The following ANKFN1 variants were observed in gnomAD, a reference collection of about 807,000 sequenced individuals.
The protein encoded by ANKFN1 is ankyrin repeat and fibronectin type-III domain-containing protein 1.
A neutral mutation model predicts 108.7 loss-of-function variants in ANKFN1; 74 were observed. The observed-to-expected ratio is 0.68, with a 90% confidence interval of 0.56 to 0.83. The LOEUF is 0.83. Ranked by LOEUF, ANKFN1 falls within the 40% of genes least tolerant of loss-of-function variation. The pLI is 0.00. For synonymous variants in ANKFN1, 547 were observed against 516.2 expected, an observed-to-expected ratio of 1.06 and a Z score of -0.81; for missense variants, 1,505 against 1,382.3, an observed-to-expected ratio of 1.09 and a Z score of -1.41.
intron 3 of ANKFN1, among the ~76,000 whole-genome samples, chr17:56,266,767 C>T (rs890304987): frequency 6.6e-6 from 1 of 152,162 alleles, no homozygotes; most frequent in South Asian, 2.1e-4. Context: ...AACCATGTGA[C>T]CAATTTTCCT....
In ANKFN1 at chr17:56,512,449, A is replaced by G. The variant is rs1178152599; in HGVS notation, c.*1180A>G. On this transcript the variant is annotated 3_prime_UTR_variant, in exon 21 of 21. Transcript: ENST00000682825. ...AGGGAAAATATGCTCAGAAGCCTTTACAAGTGGTTAATTCCAAGGATGTGC... is the reference window on the plus strand; with the variant it reads ...AGGGAAAATATGCTCAGAAGCCTTTGCAAGTGGTTAATTCCAAGGATGTGC... Among the ~76,000 whole-genome samples the G allele has an allele frequency of 1.3e-5, 2 of 152,208 alleles. No homozygotes were observed. Among genetic ancestry groups the G allele is most frequent in the African/African-American group, 2.4e-5 (1 of 41,454 alleles).
intron 9 of ANKFN1, among the ~76,000 whole-genome samples, chr17:56,441,334 A>G (rs976182821): frequency 6.6e-6 from 1 of 151,950 alleles, no homozygotes; most frequent in Non-Finnish European, 1.5e-5. Context: ...ACAAAGTATA[A>G]TCCTAAAGCC....
intron 15 of ANKFN1, among the ~76,000 whole-genome samples, 200 bp downstream of exon 15, chr17:56,466,771 G>A (rs752792146): frequency 4.6e-5 from 7 of 152,234 alleles, no homozygotes; most frequent in Non-Finnish European, 8.8e-5. Context: ...CAAATAGTGG[G>A]CACCTAATAA....
intron 2 of ANKFN1, among the ~76,000 whole-genome samples, chr17:56,220,387 C>T (rs1465081070): frequency 1.3e-5 from 2 of 152,140 alleles, no homozygotes; most frequent in Admixed American, 6.5e-5. Context: ...GATGCGGTGG[C>T]TCACGCCTGT....
chr17:56,355,557 C>T (rs8073557), intron 6 of ANKFN1, among the ~76,000 whole-genome samples: 6 of 152,050 alleles, frequency 3.9e-5, no homozygotes, highest in African/African-American at 9.7e-5. Context: ...TTGTGGAGTA[C>T]GATGGGAAGG....
At chr17:56,241,088 G>A (rs1340696242) in intron 3 of ANKFN1, among the ~76,000 whole-genome samples, 2 of 151,876 alleles carry the variant, frequency 1.3e-5, no homozygotes, top group Admixed American at 1.3e-4. Context: ...GTAAAGATAT[G>A]CTTCTGTACA....
chr17:56,440,565 G>A (rs1242397878), intron 9 of ANKFN1, 141 bp downstream of exon 9: 14 of 584,800 alleles, frequency 2.4e-5, no homozygotes, highest in Admixed American at 2.9e-5. Context: ...TGATATGTCT[G>A]GTATCTAGAA....
intron 1 of ANKFN1, among the ~76,000 whole-genome samples, chr17:56,178,021 ATGTAACCAGCCC>A (rs1745322236): frequency 6.6e-6 from 1 of 152,218 alleles, no homozygotes; most frequent in Non-Finnish European, 1.5e-5. Context: ...TTGTGTATTA[ATGTAACCAGCCC>A]TTAAAATTGA....
intron 8 of ANKFN1, among the ~76,000 whole-genome samples, chr17:56,408,775 G>T (rs2047998321): frequency 6.6e-6 from 1 of 152,162 alleles, no homozygotes; most frequent in Non-Finnish European, 1.5e-5. Flanking sequence ...CAGCATTGCA[G>T]ATTCTATACA....
intron 4 of ANKFN1, among the ~76,000 whole-genome samples, chr17:56,145,004 A>G (rs1308353360): frequency 6.6e-6 from 1 of 152,006 alleles, no homozygotes; most frequent in Non-Finnish European, 1.5e-5. Context: ...AACATTTATT[A>G]CAGATGCTTA....
chr17:56,463,299 G>A (rs2049971812), intron 14 of ANKFN1, among the ~76,000 whole-genome samples: 1 of 152,168 alleles, frequency 6.6e-6, no homozygotes, highest in Admixed American at 6.5e-5. Context: ...TAGATAGGAA[G>A]TAGCAGATTC....
intron 4 of ANKFN1, among the ~76,000 whole-genome samples, chr17:56,086,558 A>G (rs1219260882): frequency 6.6e-6 from 1 of 151,302 alleles, no homozygotes; most frequent in Admixed American, 6.6e-5. Context: ...TCCCCCATTT[A>G]AGGTTTTTAT....
chr17:56,465,319 A>G (rs2050038112), intron 14 of ANKFN1, among the ~76,000 whole-genome samples: 1 of 152,180 alleles, frequency 6.6e-6, no homozygotes, highest in South Asian at 2.1e-4. Flanking sequence ...TATTTGTCCT[A>G]TGTCTGGTCT....
intron 4 of ANKFN1, among the ~76,000 whole-genome samples, chr17:56,144,804 A>G (rs1426465093): frequency 1.3e-5 from 2 of 152,202 alleles, no homozygotes; most frequent in African/African-American, 2.4e-5. Flanking sequence ...TGTCTGAGGC[A>G]CAAATCCCTG....
chr17:56,234,157 C>A (rs1360727455), intron 3 of ANKFN1, among the ~76,000 whole-genome samples: 1 of 152,076 alleles, frequency 6.6e-6, no homozygotes, highest in Admixed American at 6.6e-5. Context: ...GCTGCCATGG[C>A]CATTTTCAAG....
chr17:56,251,196 G>C (rs117281509), intron 3 of ANKFN1, among the ~76,000 whole-genome samples: 2,354 of 152,258 alleles, frequency 0.015, 21 homozygotes, highest in Non-Finnish European at 0.022. Context: ...TTCGAGACCA[G>C]CCTGACCAAC....
At chr17:56,300,847 T>A (rs1416785626) in intron 3 of ANKFN1, among the ~76,000 whole-genome samples, 2 of 152,222 alleles carry the variant, frequency 1.3e-5, no homozygotes, top group African/African-American at 4.8e-5. Context: ...GCTTCTGTAC[T>A]GAGAGATCTG....
Position 56,511,249 on chromosome 17 carries a change from A to G in ANKFN1, c.3421A>G (p.Ile1141Val), listed in dbSNP as rs2051761690. The G allele has an allele frequency of 1.3e-6, 2 of 1,530,004 alleles. No individual in the cohort carries two copies. Among genetic ancestry groups the G allele is most frequent in the South Asian group, 2.4e-5 (2 of 83,302 alleles). 94.8% of individuals were successfully genotyped at this position (1,530,004 alleles called of 1,614,324 possible). A position where few individuals can be genotyped will look rare whatever the true frequency, so the allele number is the denominator to read the frequency against. ...CCCCACCGCCTCTCCCATGTCAGAA[A>G]TACTCAGCAGCATGCTTTAGGGAGG... Reference protein sequence around the residue: ...EGPTASPMSEILSSML With the variant: ...EGPTASPMSEVLSSML The change falls in exon 21 of 21, where the codon ATA becomes GTA. Residue 1141 changes from isoleucine to valine, a missense_variant. Physicochemically the swap from Ile to Val is conservative, Grantham distance 29. Transcript: ENST00000682825.
chr17:56,452,040 T>G (rs2049507096), intron 11 of ANKFN1, among the ~76,000 whole-genome samples: 1 of 152,216 alleles, frequency 6.6e-6, no homozygotes, highest in Non-Finnish European at 1.5e-5. Context: ...TAAGCAAGCT[T>G]CATTGTTCAC....
Sources: gnomAD v4.1 joint callset for allele counts (sites outside exome capture counted in the v4.1 genomes callset) on GRCh38, gnomAD v4.1.1 for gene constraint, MANE v1.5 for transcripts, NCBI Gene and HGNC (gene_info 2026-07-23, HGNC 2026-07-21) for gene names.